Variants in CHM observed in about 807,000 individuals in gnomAD.
CHM encodes the protein rab proteins geranylgeranyltransferase component A 1.
In CHM, 10 loss-of-function variants were observed where a neutral mutation model predicts 49.0. That is an observed-to-expected ratio of 0.20 (90% CI 0.13 to 0.35). CHM has a LOEUF of 0.35. Ranked by LOEUF, CHM falls within the 10% of genes least tolerant of loss-of-function variation. CHM has a pLI of 1.00. For missense variants in CHM, 455 were observed against 478.4 expected, an observed-to-expected ratio of 0.95 and a Z score of 0.46; for synonymous variants, 184 against 167.5, an observed-to-expected ratio of 1.10 and a Z score of -0.76.
At chrX:86,029,927 T>C (rs1196209307) in intron 1 of CHM, among the ~76,000 whole-genome samples, 1 of 111,843 alleles carries the variant, frequency 8.9e-6, no homozygotes, top group Non-Finnish European at 1.9e-5. Flanking sequence ...CTATGAACAC[T>C]ATCTACTCTT....
chrX:85,931,647 G>T (rs1928444050), intron 8 of CHM, among the ~76,000 whole-genome samples: 1 of 110,804 alleles, frequency 9.0e-6, no homozygotes, highest in South Asian at 3.8e-4. Context: ...AACCTTGATG[G>T]TCTGAGAGGC....
At chrX:86,038,888 C>A (rs1934345929) in intron 1 of CHM, among the ~76,000 whole-genome samples, 1 of 112,443 alleles carries the variant, frequency 8.9e-6, no homozygotes, top group Admixed American at 9.4e-5. Context: ...CTGCCAACCA[C>A]AAACCCAGGT....
chrX:85,981,256 C>CA (rs1156465498), intron 3 of CHM, among the ~76,000 whole-genome samples: 4 of 57,860 alleles, frequency 6.9e-5, no homozygotes, highest in African/African-American at 3.2e-4. Context: ...TTTTTTGAGA[C>CA]AGAGTCTCAC....
intron 2 of CHM, among the ~76,000 whole-genome samples, chrX:86,025,698 GAAAGAA>G (rs1451607227): frequency 2.4e-5 from 2 of 81,978 alleles, no homozygotes; most frequent in East Asian, 4.3e-4. Context: ...AAGAAAGAAA[GAAAGAA>G]AAAGAAAAAG....
intron 11 of CHM, among the ~76,000 whole-genome samples, chrX:85,895,951 T>C (rs1158133482): frequency 1.9e-5 from 2 of 107,716 alleles, no homozygotes; most frequent in African/African-American, 6.8e-5. Flanking sequence ...ATGCAATTAG[T>C]AACCTCCTAC....
intron 8 of CHM, among the ~76,000 whole-genome samples, chrX:85,927,397 C>A (rs1253764567): frequency 9.0e-6 from 1 of 111,355 alleles, no homozygotes; most frequent in Non-Finnish European, 1.9e-5. Flanking sequence ...TCCCATTTGT[C>A]CCATTTTAAT....
rs1348597355 is a variant in CHM, at chrX:85,928,357, A to G, written c.1167-17019T>C. 2.7e-5 allele frequency among the ~76,000 whole-genome samples: 3 copies of G among 111,266 alleles called. No homozygotes were observed. The Admixed American group carries it at 2.9e-4, about 11-fold the overall frequency. ...CAGGAGTTTGAGACCATCCTGGCCA[A>G]CATGGTGAAACCCCATCTCTACTAA... On this transcript the variant is annotated intron_variant, in intron 8 of 14. Coordinates refer to ENST00000357749, the MANE Select transcript of CHM (RefSeq NM_000390.4).
intron 12 of CHM, among the ~76,000 whole-genome samples, chrX:85,880,233 G>A (rs761197616): frequency 4.5e-5 from 5 of 111,367 alleles, no homozygotes; most frequent in Non-Finnish European, 9.4e-5. Flanking sequence ...ATTTAACAAT[G>A]ATTCTCATTG....
At chrX:85,881,819 G>A (rs190671984) in intron 12 of CHM, among the ~76,000 whole-genome samples, 2 of 111,557 alleles carry the variant, frequency 1.8e-5, no homozygotes, top group African/African-American at 6.5e-5. Context: ...TACTTATTCT[G>A]TTTAATATTT....
chrX:85,883,342 C>G (rs1924877315), intron 12 of CHM, among the ~76,000 whole-genome samples: 1 of 111,140 alleles, frequency 9.0e-6, no homozygotes, highest in Non-Finnish European at 1.9e-5. Flanking sequence ...ACTATAAAGG[C>G]CACATGTACT....
intron 2 of CHM, among the ~76,000 whole-genome samples, chrX:85,989,818 C>T (rs1444069271): frequency 1.8e-5 from 2 of 111,412 alleles, no homozygotes; most frequent in East Asian, 5.6e-4. Context: ...GTCAAAATGG[C>T]CATTACTAAA....
At chrX:85,887,316 A>G (rs1410088584) in intron 12 of CHM, among the ~76,000 whole-genome samples, 1 of 111,012 alleles carries the variant, frequency 9.0e-6, no homozygotes, top group Non-Finnish European at 1.9e-5. Flanking sequence ...TACAAGAGGG[A>G]GTTTCCCTGC....
chrX:85,971,992 C>A (rs984278577), intron 4 of CHM, among the ~76,000 whole-genome samples: 1 of 101,495 alleles, frequency 9.9e-6, no homozygotes, highest in Admixed American at 1.1e-4. Flanking sequence ...GGTGTATTTA[C>A]AATCCCTGAG....
chrX:86,046,017 A>C (rs1432720078), intron 1 of CHM, among the ~76,000 whole-genome samples: 49 of 112,580 alleles, frequency 4.4e-4, no homozygotes, highest in Non-Finnish European at 1.9e-4. Flanking sequence ...TTTCAGGCTA[A>C]GAATAAACCT....
In CHM at chrX:85,940,256, C is replaced by T. The variant is rs917499905; in HGVS notation, c.1166+15897G>A. ...CATCCAATCACCTCCTACCAGGTCC[C>T]TCCCCCAACACTGGGAATTACAATT... On this transcript the variant is annotated intron_variant, in intron 8 of 14. Coordinates refer to ENST00000357749, the MANE Select transcript of CHM (RefSeq NM_000390.4). 4.5e-5 allele frequency among the ~76,000 whole-genome samples: 5 copies of T among 112,021 alleles called. No individual in the cohort carries two copies. In the Admixed American group the frequency reaches 4.7e-4, roughly 11 times the overall value.
rs377292539 is a variant in CHM, at chrX:86,035,773, G to A, written c.50-8216C>T. On this transcript the variant is annotated intron_variant, in intron 1 of 14. Coordinates refer to ENST00000357749, the MANE Select transcript of CHM (RefSeq NM_000390.4). ...GAGAGAAACAGTGGAAGATACTGTC[G>A]ACGAAAAGAGTTCATTTTTTTTTTT... Among the ~76,000 whole-genome samples the A allele has an allele frequency of 4.7e-5, 5 of 106,912 alleles. No homozygotes were observed. The East Asian group carries it at 8.8e-4, about 19-fold the overall frequency. 92.8% of individuals were successfully genotyped at this position (106,912 alleles called of 115,157 possible). A position where few individuals can be genotyped will look rare whatever the true frequency, so the allele number is the denominator to read the frequency against.
chrX:86,013,733 C>G (rs867759641), intron 2 of CHM, among the ~76,000 whole-genome samples: 23 of 78,472 alleles, frequency 2.9e-4, no homozygotes, highest in Middle Eastern at 6.6e-3. Context: ...GACTTCGTCT[C>G]AAAAAAAAAA....
At chrX:85,879,260 T>C (rs1924611505) in intron 12 of CHM, among the ~76,000 whole-genome samples, 197 bp from the exon 13 acceptor site, 1 of 111,227 alleles carries the variant, frequency 9.0e-6, no homozygotes, top group Admixed American at 9.6e-5. Flanking sequence ...TAAAACAGAG[T>C]AGAAAATCTT....
intron 14 of CHM, among the ~76,000 whole-genome samples, chrX:85,868,552 A>G (rs939629251): frequency 9.0e-6 from 1 of 111,048 alleles, no homozygotes; most frequent in Non-Finnish European, 1.9e-5. Context: ...CCTCCCTTTT[A>G]TCTTTGGCAT....
Sources: allele counts gnomAD v4.1 joint callset (sites outside exome capture counted in the v4.1 genomes callset), GRCh38; gene constraint gnomAD v4.1.1; transcripts MANE v1.5; gene names NCBI Gene and HGNC (gene_info 2026-07-23, HGNC 2026-07-21).